Variants in PFKP observed in about 807,000 individuals in gnomAD.
The protein encoded by PFKP is ATP-dependent 6-phosphofructokinase, platelet type.
Under a neutral mutation model 94.3 loss-of-function variants are expected in PFKP, and 101 were observed. That is an observed-to-expected ratio of 1.07 (90% CI 0.91 to 1.26). PFKP has a LOEUF of 1.26. PFKP is among the 50% of genes most tolerant of loss of function. The pLI is 0.00. For missense variants in PFKP, 1,145 were observed against 1,103.3 expected, an observed-to-expected ratio of 1.04 and a Z score of -0.53; for synonymous variants, 573 against 432.6, an observed-to-expected ratio of 1.32 and a Z score of -4.03.
intron 15 of PFKP, 135 bp from the exon 16 acceptor site, chr10:3,119,757 T>A: frequency 3.0e-6 from 2 of 660,964 alleles, no homozygotes; most frequent in Non-Finnish European, 5.2e-6. Context: ...TGTGTGTTGA[T>A]CTCGGAGTGT....
At chr10:3,074,084 C>A (rs562873369) in intron 1 of PFKP, among the ~76,000 whole-genome samples, 4 of 152,314 alleles carry the variant, frequency 2.6e-5, no homozygotes, top group Non-Finnish European at 5.9e-5. Flanking sequence ...AAGTGATCCA[C>A]CTGCCTTGGC....
chr10:3,099,790 A>AG (rs1280812797), intron 3 of PFKP, among the ~76,000 whole-genome samples: 6 of 152,096 alleles, frequency 3.9e-5, no homozygotes, highest in Non-Finnish European at 5.9e-5. Flanking sequence ...TGATTGACGG[A>AG]GGAAGATAAG....
At chr10:3,112,829 A>C (rs911309117) in intron 11 of PFKP, among the ~76,000 whole-genome samples, 2 of 152,192 alleles carry the variant, frequency 1.3e-5, no homozygotes, top group Non-Finnish European at 2.9e-5. Context: ...CAGCCTCCCA[A>C]AGTGCTGGGA....
At chr10:3,074,890 TAG>T (rs1360266195) in intron 1 of PFKP, among the ~76,000 whole-genome samples, 1 of 151,602 alleles carries the variant, frequency 6.6e-6, no homozygotes, top group Non-Finnish European at 1.5e-5. Context: ...CACACACAAA[TAG>T]AGGTGTGAAG....
chr10:3,102,622 G>A (rs927837730), intron 4 of PFKP, among the ~76,000 whole-genome samples: 1 of 152,116 alleles, frequency 6.6e-6, no homozygotes, highest in African/African-American at 2.4e-5. Context: ...AGTAGAGATA[G>A]GGTTTCGCCA....
intron 1 of PFKP, among the ~76,000 whole-genome samples, chr10:3,077,909 G>A (rs1339794358): frequency 6.6e-6 from 1 of 152,242 alleles, no homozygotes; most frequent in African/African-American, 2.4e-5. Context: ...CTCATGACAA[G>A]ATATTCACTT....
Position 3,129,816 on chromosome 10 carries a change from C to CT in PFKP, c.1684-3_1684-2insT. On this transcript the variant is annotated splice_polypyrimidine_tract_variant and splice_region_variant and intron_variant, in intron 16 of 21. Coordinates refer to ENST00000381125, the MANE Select transcript of PFKP (RefSeq NM_002627.5). ...GAGTGACTGATCGCTTCTCTGTGAC[C>CT]AGACCTGCGACCGCATCAAGCAGTC... 6.2e-7 allele frequency: 1 copy of CT among 1,613,332 alleles called. No homozygotes were observed. The highest frequency in any genetic ancestry group is 8.5e-7 in the Non-Finnish European group (1 of 1,179,926).
chr10:3,130,569 GTCTT>G (rs1306617673), intron 17 of PFKP, among the ~76,000 whole-genome samples: 2 of 152,092 alleles, frequency 1.3e-5, no homozygotes, highest in African/African-American at 4.8e-5. Context: ...TTGAACAATT[GTCTT>G]TATTTAGAGA....
intron 2 of PFKP, among the ~76,000 whole-genome samples, chr10:3,087,771 C>A (rs1833712308): frequency 6.6e-6 from 1 of 152,064 alleles, no homozygotes; most frequent in Admixed American, 6.6e-5. Flanking sequence ...GGTGGGAAAT[C>A]CTAGTGAACG....
In PFKP at chr10:3,134,527, C is replaced by A. The variant is rs1838995234; in HGVS notation, c.2067C>A (p.Ile689=). The A allele has an allele frequency of 6.2e-7, 1 of 1,614,082 alleles. No individual in the cohort carries two copies. Among genetic ancestry groups the A allele is most frequent in the African/African-American group, 1.3e-5 (1 of 75,050 alleles). ...SPFDRNFGTK[I]SARAMEWITA... ...TTGATAGAAACTTTGGAACCAAAATCTCTGCCAGAGCTATGGAGTGGATCA... is the reference window on the plus strand; with the variant it reads ...TTGATAGAAACTTTGGAACCAAAATATCTGCCAGAGCTATGGAGTGGATCA... Residue 689 remains isoleucine (I), a synonymous_variant, in exon 20 of 22, where the codon ATC becomes ATA. Coordinates refer to ENST00000381125, the MANE Select transcript of PFKP (RefSeq NM_002627.5).
rs189967975 is a variant in PFKP, at chr10:3,100,656, G to A, written c.265-709G>A. Among the ~76,000 whole-genome samples, 642 of 152,184 alleles carry A rather than the reference G, an allele frequency of 4.2e-3. 4 individuals carry two copies. Among genetic ancestry groups the A allele is most frequent in the African/African-American group, 0.014 (576 of 41,512 alleles). On this transcript the variant is annotated intron_variant, in intron 3 of 21. Coordinates refer to ENST00000381125, the MANE Select transcript of PFKP (RefSeq NM_002627.5). ...ACCTTGCTTGACAAAGTCAGCACGCGCTTAGGGATCCCGTACGGATGGAGT... is the reference window on the plus strand; with the variant it reads ...ACCTTGCTTGACAAAGTCAGCACGCACTTAGGGATCCCGTACGGATGGAGT...
intron 2 of PFKP, among the ~76,000 whole-genome samples, chr10:3,089,088 C>A (rs183970082): frequency 6.6e-6 from 1 of 152,148 alleles, no homozygotes; most frequent in Non-Finnish European, 1.5e-5. Context: ...CCCACCACCA[C>A]GCCTGGCTAA....
chr10:3,071,883 T>G (rs1248000078), intron 1 of PFKP, among the ~76,000 whole-genome samples: 1 of 152,246 alleles, frequency 6.6e-6, no homozygotes, highest in Non-Finnish European at 1.5e-5. Flanking sequence ...GGGCAATGAC[T>G]TATCCCTATT....
At chr10:3,091,942 G>GT (rs1280702350) in intron 2 of PFKP, among the ~76,000 whole-genome samples, 1 of 152,176 alleles carries the variant, frequency 6.6e-6, no homozygotes. Context: ...TTTATCGCTA[G>GT]TTTTTTCCAT....
At chr10:3,094,057 A>G (rs1834290354) in intron 2 of PFKP, among the ~76,000 whole-genome samples, 1 of 152,106 alleles carries the variant, frequency 6.6e-6, no homozygotes, top group African/African-American at 2.4e-5. Flanking sequence ...GCTTCAGACA[A>G]TCTAGTTTCA....
At chr10:3,131,092 T>C (rs1330985397) in intron 17 of PFKP, among the ~76,000 whole-genome samples, 1 of 151,980 alleles carries the variant, frequency 6.6e-6, no homozygotes, top group Non-Finnish European at 1.5e-5. Context: ...CATATCTTTT[T>C]ACATATATTT....
chr10:3,096,147 A>G (rs10903962), intron 2 of PFKP, among the ~76,000 whole-genome samples: 62,368 of 152,084 alleles, frequency 0.41, 12,723 homozygotes, highest in East Asian at 0.48. Flanking sequence ...AGGGAAAGGA[A>G]ATTGTATGGT....
At chr10:3,096,619 G>A (rs1312069714) in intron 2 of PFKP, among the ~76,000 whole-genome samples, 1 of 150,496 alleles carries the variant, frequency 6.6e-6, no homozygotes, top group Non-Finnish European at 1.5e-5. Context: ...GTTTCACGGT[G>A]GCCCAGGCTA....
At chr10:3,075,525 G>A (rs1235121467) in intron 1 of PFKP, among the ~76,000 whole-genome samples, 2 of 149,188 alleles carry the variant, frequency 1.3e-5, no homozygotes, top group African/African-American at 5.0e-5. Context: ...CCAAGAGTGA[G>A]GCTTGCATGT....
Sources: gnomAD v4.1 joint callset for allele counts (sites outside exome capture counted in the v4.1 genomes callset) on GRCh38, gnomAD v4.1.1 for gene constraint, MANE v1.5 for transcripts, NCBI Gene and HGNC (gene_info 2026-07-23, HGNC 2026-07-21) for gene names.